IL17RA: variants seen among roughly 807,000 people sequenced by gnomAD.
IL17RA encodes interleukin-17 receptor A.
In IL17RA, 34 loss-of-function variants were observed where a neutral mutation model predicts 50.4. The observed-to-expected ratio is 0.67, with a 90% CI of 0.51 to 0.90. The LOEUF (loss-of-function observed/expected upper bound fraction) is 0.90, where lower values mean the gene tolerates loss of function less well. Among genes scored for constraint, IL17RA ranks in the 40% least tolerant of loss-of-function variants. IL17RA has a pLI of 0.00. For synonymous variants in IL17RA, 585 were observed against 510.4 expected (o/e 1.15, Z -1.97); for missense variants, 1,276 against 1,169.8 (o/e 1.09, Z -1.32).
At chr22:17,105,451 A>C in intron 9 of IL17RA, 140 bp from the exon 10 acceptor site, 1 of 863,926 alleles carries the variant, frequency 1.2e-6, no homozygotes, top group South Asian at 1.3e-5. Flanking sequence ...AGATGGTTTC[A>C]TTAAGTTCAA....
At chr22:17,098,177 A>G (rs2061375456) in intron 3 of IL17RA, among the ~76,000 whole-genome samples, 1 of 152,206 alleles carries the variant, frequency 6.6e-6, no homozygotes, top group African/African-American at 2.4e-5. Flanking sequence ...CTTCAACCTA[A>G]TATTTTTAGC....
intron 11 of IL17RA, among the ~76,000 whole-genome samples, chr22:17,106,635 G>C (rs887818257): frequency 1.3e-5 from 2 of 152,174 alleles, no homozygotes; most frequent in African/African-American, 4.8e-5. Flanking sequence ...TTCAGCCCTT[G>C]CCTGCCCCAC....
chr22:17,103,637 A>ACACTCCTCACTCCTGTC, intron 8 of IL17RA, 60 bp downstream of exon 8: 1 of 1,316,336 alleles, frequency 7.6e-7, no homozygotes, highest in Non-Finnish European at 1.1e-6. Context: ...TATAGAGTGG[A>ACACTCCTCACTCCTGTC]CAGGAGTGAG....
intron 1 of IL17RA, among the ~76,000 whole-genome samples, chr22:17,094,691 C>CTATATATATATATATATATATATATATA (rs1188416715): frequency 4.0e-5 from 1 of 24,704 alleles, no homozygotes; most frequent in African/African-American, 2.3e-4. Flanking sequence ...CTCTCTCTCT[C>CTATATATATATATATATATATATATATA]TATATATATA....
rs901260438 is a variant in IL17RA, at chr22:17,110,537, A to G, written c.*717A>G. The G allele has an allele frequency of 6.6e-6, 1 of 151,318 alleles. No homozygotes were observed. Among genetic ancestry groups the G allele is most frequent in the African/African-American group, 2.4e-5 (1 of 40,868 alleles). The allele number at this position is 151,318 out of a possible 1,614,324, so 9.4% of individuals were successfully genotyped here. ...AAAAAGATGGTCACGCGGGATGTAA[A>G]CGCTGAATGGGCCAGGTGCAGTGGC... On this transcript the variant is annotated 3_prime_UTR_variant, in exon 13 of 13. Transcript: ENST00000319363.
chr22:17,085,283 A>G (rs975620782), intron 1 of IL17RA, 54 bp downstream of exon 1: 10 of 1,529,974 alleles, frequency 6.5e-6, no homozygotes, highest in African/African-American at 1.4e-5. Flanking sequence ...ACGCGGGGCA[A>G]GGTCGCGGAG....
intron 1 of IL17RA, among the ~76,000 whole-genome samples, chr22:17,088,526 C>T (rs1040399896): frequency 1.3e-5 from 2 of 152,058 alleles, no homozygotes; most frequent in Non-Finnish European, 2.9e-5. Flanking sequence ...GACACTGTCG[C>T]CCAGGCTACA....
chr22:17,105,693 C>G lies in IL17RA; in HGVS notation c.943+91C>G, dbSNP rs2241047. On this transcript the variant is annotated intron_variant, in intron 10 of 12. Coordinates refer to ENST00000319363, the MANE Select transcript of IL17RA (RefSeq NM_014339.7). ...GAAGTCCCTGCCTCAGCCAGGCAGACAAGGCTGAACCGAGGCCAGCCCGGG... is the reference window on the plus strand; with the variant it reads ...GAAGTCCCTGCCTCAGCCAGGCAGAGAAGGCTGAACCGAGGCCAGCCCGGG... 771,928 of 1,507,044 alleles carry G rather than the reference C, an allele frequency of 0.51. 200,033 individuals are homozygous for G. Among genetic ancestry groups the G allele is most frequent in the East Asian group, 0.79 (34,814 of 44,252 alleles). The allele number at this position is 1,507,044 out of a possible 1,614,324, so 93.4% of individuals were successfully genotyped here. A position where few individuals can be genotyped will look rare whatever the true frequency, so the allele number is the denominator to read the frequency against.
chr22:17,104,832 T>A, intron 9 of IL17RA, 22 bp downstream of exon 9: 1 of 1,610,790 alleles, frequency 6.2e-7, no homozygotes, highest in Admixed American at 1.7e-5. Flanking sequence ...GCGGCTGTCC[T>A]AGGCCATACT....
At chr22:17,107,703 C>T (rs1486056483) in intron 11 of IL17RA, 24 bp from the exon 12 acceptor site, 27 of 1,601,956 alleles carry the variant, frequency 1.7e-5, no homozygotes, top group Non-Finnish European at 2.2e-5. Context: ...AGAACCACTC[C>T]AGTGTATTTC....
rs749300733 is a variant in IL17RA, at chr22:17,108,771, G to A, written c.1552G>A (p.Gly518Ser). 3 of 1,608,982 alleles carry A rather than the reference G, an allele frequency of 1.9e-6. No homozygotes were observed. The highest frequency in any genetic ancestry group is 2.5e-6 in the Non-Finnish European group (3 of 1,177,956). Residue 518 changes from glycine (G) to serine (S), a missense_variant, in exon 13 of 13, where the codon GGC becomes AGC. Coordinates refer to ENST00000319363, the MANE Select transcript of IL17RA (RefSeq NM_014339.7). ...SCDGDVPDLF[G>S]AAPRYPLMDR... ...TGACGGCGACGTCCCCGACCTGTTC[G>A]GCGCGGCGCCGCGGTACCCGCTCAT...
chr22:17,108,368 C>A lies in IL17RA; in HGVS notation c.1149C>A (p.Ile383=). The part of the protein sequence containing the change: ...PPLKPRKVWI[I]YSADHPLYVD... ...TGAAGCCCAGGAAGGTCTGGATCATCTACTCAGCCGACCACCCCCTCTACG... is the reference window on the plus strand; with the variant it reads ...TGAAGCCCAGGAAGGTCTGGATCATATACTCAGCCGACCACCCCCTCTACG... The change falls in exon 13 of 13, where the codon ATC becomes ATA. Residue 383 remains isoleucine (I), a synonymous_variant. Coordinates refer to ENST00000319363, the MANE Select transcript of IL17RA (RefSeq NM_014339.7). 1 of 1,614,132 alleles carries A rather than the reference C, an allele frequency of 6.2e-7. No homozygotes were observed. Among genetic ancestry groups the A allele is most frequent in the Non-Finnish European group, 8.5e-7 (1 of 1,180,008 alleles).
chr22:17,109,812 A>C lies in IL17RA; in HGVS notation c.2593A>C (p.Ser865Arg). ...DTMGSESEGPSA is the reference protein window; with the variant it reads ...DTMGSESEGPRA ...GATGGGGTCAGAGTCAGAGGGGCCCAGTGCATGAGGGCGGCTCCCCAGGGA... is the reference window on the plus strand; with the variant it reads ...GATGGGGTCAGAGTCAGAGGGGCCCCGTGCATGAGGGCGGCTCCCCAGGGA... The change falls in exon 13 of 13, where the codon AGT (serine) becomes CGT (arginine). Residue 865 changes from serine to arginine, a missense_variant. Physicochemically the swap from Ser to Arg is moderately radical, Grantham distance 110 (BLOSUM62 -1). Transcript: ENST00000319363. 6.5e-7 allele frequency: 1 copy of C among 1,549,560 alleles called. No individual in the cohort carries two copies. The highest frequency in any genetic ancestry group is 8.7e-7 in the Non-Finnish European group (1 of 1,147,064).
Position 17,109,640 on chromosome 22 carries a change from A to C in IL17RA, c.2421A>C (p.Gly807=), listed in dbSNP as rs1568924438. 6.2e-7 allele frequency: 1 copy of C among 1,608,504 alleles called. No homozygotes were observed. The highest frequency in any genetic ancestry group is 1.7e-5 in the Admixed American group (1 of 59,170). The change falls in exon 13 of 13, where the codon GGA becomes GGC. Residue 807 remains glycine (G), a synonymous_variant. Coordinates refer to ENST00000319363, the MANE Select transcript of IL17RA (RefSeq NM_014339.7). ...ISRSSPQPPE[G]LTEMEEEEEE... is the part of the protein sequence containing the mutation. ...GGAGCTCCCCGCAGCCCCCCGAGGGACTCACGGAAATGGAGGAAGAGGAGG... is the reference window on the plus strand; with the variant it reads ...GGAGCTCCCCGCAGCCCCCCGAGGGCCTCACGGAAATGGAGGAAGAGGAGG...
intron 5 of IL17RA, among the ~76,000 whole-genome samples, 180 bp from the exon 6 acceptor site, chr22:17,101,816 T>C (rs573524514): frequency 6.6e-6 from 1 of 151,886 alleles, no homozygotes; most frequent in Admixed American, 6.6e-5. Flanking sequence ...GAGATGAGGA[T>C]CAGACAGGCA....
At chr22:17,094,673 C>CTATATATATATATATTTG (rs1568917416) in intron 1 of IL17RA, among the ~76,000 whole-genome samples, 1 of 47,850 alleles carries the variant, frequency 2.1e-5, no homozygotes, top group Non-Finnish European at 4.0e-5. Flanking sequence ...CTCTCTCTCT[C>CTATATATATATATATTTG]TCTCTCTCTC....
At chr22:17,091,612 G>C (rs1456751196) in intron 1 of IL17RA, among the ~76,000 whole-genome samples, 1 of 151,938 alleles carries the variant, frequency 6.6e-6, no homozygotes, top group Non-Finnish European at 1.5e-5. Context: ...TGGGAGGCGG[G>C]GCTTGCAGTG....
At chr22:17,096,019 C>T (rs1284500670) in intron 1 of IL17RA, among the ~76,000 whole-genome samples, 1 of 152,170 alleles carries the variant, frequency 6.6e-6, no homozygotes, top group African/African-American at 2.4e-5. Flanking sequence ...GCACCCTACT[C>T]ACACCAGTCA....
chr22:17,102,097 G>T, intron 6 of IL17RA, 42 bp from the exon 7 acceptor site: 1 of 1,613,942 alleles, frequency 6.2e-7, no homozygotes, highest in Non-Finnish European at 8.5e-7. Context: ...GCACATGTGC[G>T]TGCCCCTCCT....
Sources: allele counts gnomAD v4.1 joint callset (sites outside exome capture counted in the v4.1 genomes callset), GRCh38; gene constraint gnomAD v4.1.1; transcripts MANE v1.5; gene names NCBI Gene and HGNC (gene_info 2026-07-23, HGNC 2026-07-21).